MDH1: variants seen among roughly 807,000 people sequenced by gnomAD.
MDH1 encodes malate dehydrogenase, cytoplasmic.
In MDH1, 15 loss-of-function variants were observed where a neutral mutation model predicts 38.7. The observed-to-expected ratio is 0.39, with a 90% CI of 0.26 to 0.60. The LOEUF (loss-of-function observed/expected upper bound fraction) is 0.60, where lower values mean the gene tolerates loss of function less well. MDH1 is among the 20% of genes least tolerant of loss of function. The probability of loss-of-function intolerance (pLI) is 0.56; values close to 1 mark genes in which losing one functional copy is unlikely to be tolerated. For missense variants in MDH1, 368 were observed against 405.2 expected, an observed-to-expected ratio of 0.91 and a Z score of 0.79; for synonymous variants, 144 against 143.6, an observed-to-expected ratio of 1.00 and a Z score of -0.02.
chr2:63,597,354 C>A, intron 3 of MDH1, 45 bp from the exon 4 acceptor site: 1 of 1,322,218 alleles, frequency 7.6e-7, no homozygotes, highest in Middle Eastern at 2.4e-4. Flanking sequence ...AAACTTCAAA[C>A]TTTGATGTTT....
At chr2:63,603,000 C>A (rs1709457234) in intron 5 of MDH1, among the ~76,000 whole-genome samples, 1 of 146,104 alleles carries the variant, frequency 6.8e-6, no homozygotes, top group South Asian at 2.2e-4. Context: ...CGCCCTGTCG[C>A]CTAGGCTGGA....
intron 1 of MDH1, chr2:63,591,059 T>C (rs1709193560): frequency 6.6e-6 from 1 of 152,248 alleles, no homozygotes; most frequent in African/African-American, 2.4e-5. Context: ...GCTCTGTCTG[T>C]GGAATAACAG....
At chr2:63,604,548 T>C in intron 5 of MDH1, 148 bp from the exon 6 acceptor site, 1 of 669,066 alleles carries the variant, frequency 1.5e-6, no homozygotes, top group South Asian at 2.0e-5. Flanking sequence ...GCAATAAATT[T>C]ACATTTTTTA....
chr2:63,601,840 G>C (rs1482875328), intron 5 of MDH1, among the ~76,000 whole-genome samples: 1 of 152,172 alleles, frequency 6.6e-6, no homozygotes, highest in Non-Finnish European at 1.5e-5. Context: ...TATATATCTT[G>C]AGTTAATTGT....
At chr2:63,601,394 A>T (rs1709415376) in intron 5 of MDH1, among the ~76,000 whole-genome samples, 1 of 152,196 alleles carries the variant, frequency 6.6e-6, no homozygotes, top group African/African-American at 2.4e-5. Context: ...TGCTGTATTT[A>T]TGTCTGCTGA....
chr2:63,589,785 G>T lies in MDH1; in HGVS notation c.3+739G>T, dbSNP rs928322803. Among the ~76,000 whole-genome samples the T allele has an allele frequency of 3.9e-5, 6 of 152,154 alleles. No individual in the cohort carries two copies. In the South Asian group the frequency reaches 8.3e-4, roughly 21 times the overall value. ...ATCGCTTGTCTCTGCTGAAAGAGAGGGGGAGGGGGAGAGTTGGTGAAGGAA... is the reference window on the plus strand; with the variant it reads ...ATCGCTTGTCTCTGCTGAAAGAGAGTGGGAGGGGGAGAGTTGGTGAAGGAA... On this transcript the variant is annotated intron_variant, in intron 1 of 8. Coordinates refer to ENST00000233114, the MANE Select transcript of MDH1 (RefSeq NM_005917.4).
In MDH1 at chr2:63,605,933, T is replaced by C. The variant is rs760086317; in HGVS notation, c.790-6T>C. On this transcript the variant is annotated splice_region_variant and splice_polypyrimidine_tract_variant and intron_variant, in intron 7 of 8. Coordinates refer to ENST00000233114, the MANE Select transcript of MDH1 (RefSeq NM_005917.4). ...TCATGAGTATGTGAAACATTGTTAT[T>C]TTCAGGGAGAGTTTGTGTCCATGGG... is the stretch of plus-strand genomic sequence containing the variant. 1 of 1,611,914 alleles carries C rather than the reference T, an allele frequency of 6.2e-7. No homozygotes were observed. Among genetic ancestry groups the C allele is most frequent in the South Asian group, 1.1e-5 (1 of 91,040 alleles).
At chr2:63,605,720 G>A in intron 7 of MDH1, 1 of 598,438 alleles carries the variant, frequency 1.7e-6, no homozygotes, top group South Asian at 2.0e-5. Context: ...ATGAGGATTA[G>A]GTTTCCCTGG....
At chr2:63,595,937 A>C (rs1349515752) in intron 3 of MDH1, among the ~76,000 whole-genome samples, 1 of 152,196 alleles carries the variant, frequency 6.6e-6, no homozygotes, top group Non-Finnish European at 1.5e-5. Flanking sequence ...GATGTCCTTC[A>C]TAGCTATACA....
In MDH1 at chr2:63,601,331, G is replaced by A. The variant is rs529499744; in HGVS notation, c.498+2039G>A. 7.9e-5 allele frequency among the ~76,000 whole-genome samples: 12 copies of A among 152,276 alleles called. No individual in the cohort carries two copies. In the South Asian group the frequency reaches 1.0e-3, roughly 13 times the overall value. On this transcript the variant is annotated intron_variant, in intron 5 of 8. Coordinates refer to ENST00000233114, the MANE Select transcript of MDH1 (RefSeq NM_005917.4). ...TGTCTTGGAATTCAGAGGCCTTAGC[G>A]ACTTAGGGACTGTTTAACACCTGCA...
Position 63,597,468 on chromosome 2 carries a change from T to C in MDH1, c.269T>C (p.Met90Thr), listed in dbSNP as rs772046564. 1.3e-5 allele frequency: 19 copies of C among 1,512,484 alleles called. No homozygotes were observed. Among genetic ancestry groups the C allele is most frequent in the Non-Finnish European group, 1.6e-5 (18 of 1,123,688 alleles). 93.7% of individuals were successfully genotyped at this position (1,512,484 alleles called of 1,614,324 possible). ...GATGTGGCCATTCTTGTGGGCTCCATGCCAAGAAGGGAAGGCATGGAGAGA... is the reference window on the plus strand; with the variant it reads ...GATGTGGCCATTCTTGTGGGCTCCACGCCAAGAAGGGAAGGCATGGAGAGA... ...DLDVAILVGS[M>T]PRREGMERKD... Residue 90 changes from methionine (M) to threonine (T), a missense_variant, in exon 4 of 9, where the codon ATG becomes ACG. Coordinates refer to ENST00000233114, the MANE Select transcript of MDH1 (RefSeq NM_005917.4).
chr2:63,595,336 A>C, intron 2 of MDH1, 87 bp from the exon 3 acceptor site: 4 of 829,548 alleles, frequency 4.8e-6, no homozygotes, highest in Middle Eastern at 4.4e-4. Context: ...ATGCATGTAC[A>C]TACCAAATAA....
intron 8 of MDH1, among the ~76,000 whole-genome samples, chr2:63,606,493 T>C (rs1709532631): frequency 6.6e-6 from 1 of 152,242 alleles, no homozygotes; most frequent in Non-Finnish European, 1.5e-5. Flanking sequence ...AAAGTTTTTA[T>C]GATTGAAATT....
chr2:63,589,222 T>C, intron 1 of MDH1, 176 bp downstream of exon 1: 2 of 1,568,774 alleles, frequency 1.3e-6, no homozygotes, highest in Non-Finnish European at 1.7e-6. Context: ...TGGGAAGGGA[T>C]TGATTTCCAC....
intron 4 of MDH1, chr2:63,597,871 G>A (rs1022812498): frequency 1.4e-4 from 26 of 188,974 alleles, no homozygotes; most frequent in Middle Eastern, 1.9e-3. Context: ...TTTTTGCTGC[G>A]TGGGAATATT....
At chr2:63,606,176 G>A in intron 8 of MDH1, 148 bp downstream of exon 8, 1 of 737,928 alleles carries the variant, frequency 1.4e-6, no homozygotes, top group Non-Finnish European at 2.4e-6. Flanking sequence ...GAGCCCAGGA[G>A]TTCAAGACCA....
chr2:63,599,211 T>C lies in MDH1; in HGVS notation c.417T>C (p.Thr139=). ...ATCCAGCCAATACCAACTGCCTGAC[T>C]GCTTCCAAGTCAGCTCCATCCATCC... is the stretch of plus-strand genomic sequence containing the variant. The part of the protein sequence containing the change: ...VGNPANTNCL[T]ASKSAPSIPK... The change falls in exon 5 of 9, where the codon ACT becomes ACC. Residue 139 remains threonine (T), a synonymous_variant. Transcript: ENST00000233114. 6.2e-7 allele frequency: 1 copy of C among 1,613,854 alleles called. No individual in the cohort carries two copies. Among genetic ancestry groups the C allele is most frequent in the Non-Finnish European group, 8.5e-7 (1 of 1,179,794 alleles).
chr2:63,591,920 A>C (rs1272768683), intron 1 of MDH1, among the ~76,000 whole-genome samples: 1 of 152,182 alleles, frequency 6.6e-6, no homozygotes, highest in African/African-American at 2.4e-5. Flanking sequence ...TATTATCTCC[A>C]TTTTACTATG....
At position 63,594,603 on chromosome 2, in the gene MDH1, A is replaced by G. The variant is rs1207682146; in HGVS notation, c.102+17A>G. On this transcript the variant is annotated intron_variant, in intron 2 of 8. Transcript: ENST00000233114. ...AAAGATCAGGTAGGAACAGGTGTCT[A>G]TAAATCTTAAGTTATTAGAGTAAGA... is the stretch of plus-strand genomic sequence containing the variant. 3.9e-6 allele frequency: 6 copies of G among 1,538,438 alleles called. No individual in the cohort carries two copies. Among genetic ancestry groups the G allele is most frequent in the Non-Finnish European group, 5.4e-6 (6 of 1,114,320 alleles).
Sources: allele counts gnomAD v4.1 joint callset (sites outside exome capture counted in the v4.1 genomes callset), GRCh38; gene constraint gnomAD v4.1.1; transcripts MANE v1.5; gene names NCBI Gene and HGNC (gene_info 2026-07-23, HGNC 2026-07-21).